Variants in ARHGEF3 observed in about 807,000 individuals in gnomAD.
The protein encoded by ARHGEF3 is 59.8 kDA protein.
ARHGEF3 carries 28 observed loss-of-function variants against 63.2 expected under a neutral mutation model. The observed-to-expected ratio is 0.44, with a 90% CI of 0.33 to 0.61. The LOEUF (loss-of-function observed/expected upper bound fraction) is 0.61. ARHGEF3 is among the 20% of genes least tolerant of loss of function. ARHGEF3 has a pLI of 0.03. For synonymous variants in ARHGEF3, 266 were observed against 254.2 expected, an observed-to-expected ratio of 1.05 and a Z score of -0.44; for missense variants, 533 against 659.3, an observed-to-expected ratio of 0.81 and a Z score of 2.10.
intron 3 of ARHGEF3, among the ~76,000 whole-genome samples, chr3:56,908,918 A>G (rs1033406337): frequency 3.3e-5 from 5 of 152,202 alleles, no homozygotes; most frequent in African/African-American, 4.8e-5. Context: ...TGTATGTTCT[A>G]TCTCATTCAG....
intron 4 of ARHGEF3, among the ~76,000 whole-genome samples, chr3:56,851,779 G>GA (rs930648001): frequency 6.7e-6 from 1 of 149,206 alleles, no homozygotes; most frequent in African/African-American, 2.5e-5. Context: ...GCAAAAAGAA[G>GA]AAAAAATTAA....
chr3:56,917,195 T>C (rs2042011975), intron 3 of ARHGEF3, among the ~76,000 whole-genome samples: 1 of 152,202 alleles, frequency 6.6e-6, no homozygotes, highest in African/African-American at 2.4e-5. Flanking sequence ...AAACTATGCC[T>C]GGCTCACTCC....
upstream of ARHGEF3, among the ~76,000 whole-genome samples, chr3:56,806,085 T>A (rs1288736794): frequency 6.6e-6 from 1 of 152,148 alleles, no homozygotes; most frequent in Admixed American, 6.5e-5. Context: ...AAGGTCAGGA[T>A]TAGCTATTTC....
At chr3:56,848,441 C>A (rs115862371) in intron 4 of ARHGEF3, among the ~76,000 whole-genome samples, 1 of 152,268 alleles carries the variant, frequency 6.6e-6, no homozygotes, top group Non-Finnish European at 1.5e-5. Flanking sequence ...GGCTATAATA[C>A]CCTCTCCCTT....
chr3:56,849,224 TAGA>T (rs1330837986), intron 4 of ARHGEF3, among the ~76,000 whole-genome samples: 1 of 152,206 alleles, frequency 6.6e-6, no homozygotes, highest in African/African-American at 2.4e-5. Flanking sequence ...CCTACAGAAT[TAGA>T]AGGTCTTTTA....
chr3:57,075,463 T>A (rs577626381), intron 1 of ARHGEF3: 2 of 164,794 alleles, frequency 1.2e-5, no homozygotes, highest in South Asian at 4.2e-4. Context: ...AAATACAACC[T>A]CAATTAGGAA....
At chr3:57,035,002 C>T (rs1560150297) in intron 2 of ARHGEF3, 3 of 1,167,422 alleles carry the variant, frequency 2.6e-6, no homozygotes, top group Non-Finnish European at 3.6e-6. Context: ...CTTATGTAGG[C>T]TTAAAGGAAG....
At chr3:56,843,512 C>T (rs1193378963) in intron 4 of ARHGEF3, among the ~76,000 whole-genome samples, 2 of 152,078 alleles carry the variant, frequency 1.3e-5, no homozygotes, top group East Asian at 3.9e-4. Flanking sequence ...AGTGATCTAC[C>T]TGCCTTGGCC....
chr3:56,892,941 T>C (rs2041172435), intron 3 of ARHGEF3, among the ~76,000 whole-genome samples: 1 of 152,206 alleles, frequency 6.6e-6, no homozygotes, highest in Non-Finnish European at 1.5e-5. Context: ...CTGGAACACC[T>C]ACTCCTTGGG....
At chr3:57,010,860 C>T (rs979374093) in intron 2 of ARHGEF3, among the ~76,000 whole-genome samples, 2 of 152,108 alleles carry the variant, frequency 1.3e-5, no homozygotes, top group African/African-American at 2.4e-5. Context: ...CCTTGTTCAT[C>T]GTCTGCTCAC....
chr3:56,798,138 C>T (rs1036271450), intron 1 of ARHGEF3, among the ~76,000 whole-genome samples: 2 of 152,158 alleles, frequency 1.3e-5, no homozygotes, highest in Admixed American at 6.5e-5. Context: ...TTTCTAGGTG[C>T]ATGTCATTAT....
At chr3:57,054,742 C>A (rs1374328359) in intron 1 of ARHGEF3, among the ~76,000 whole-genome samples, 1 of 150,772 alleles carries the variant, frequency 6.6e-6, no homozygotes, top group East Asian at 2.0e-4. Flanking sequence ...ACCTCTGACT[C>A]CCTGGTTCAA....
chr3:56,947,639 A>G (rs28795995), intron 3 of ARHGEF3, among the ~76,000 whole-genome samples: 1 of 152,314 alleles, frequency 6.6e-6, no homozygotes, highest in East Asian at 1.9e-4. Flanking sequence ...AAGTCCTTAG[A>G]GACCTAGAAA....
chr3:56,806,821 C>T (rs1174940250), upstream of ARHGEF3, among the ~76,000 whole-genome samples: 2 of 150,644 alleles, frequency 1.3e-5, no homozygotes, highest in Admixed American at 1.3e-4. Flanking sequence ...GCTGTGACAG[C>T]CTTCTCAGCC....
rs371050302 is a variant in ARHGEF3, at chr3:57,012,382, C to T, written c.62+22706G>A. Among the ~76,000 whole-genome samples, 27 of 152,222 alleles carry T rather than the reference C, an allele frequency of 1.8e-4. No individual in the cohort carries two copies. The South Asian group carries it at 2.5e-3, about 14-fold the overall frequency. ...TAAGTGATTCTCTTGCCTCAGCCTCCGGAGCAGCTGGGATTACTGGTGCCC... is the reference window on the plus strand; with the variant it reads ...TAAGTGATTCTCTTGCCTCAGCCTCTGGAGCAGCTGGGATTACTGGTGCCC... On this transcript the variant is annotated intron_variant, in intron 2 of 12. Coordinates refer to the ARHGEF3 transcript ENST00000338458.
At chr3:56,941,399 G>A (rs1699177440) in intron 3 of ARHGEF3, among the ~76,000 whole-genome samples, 1 of 152,162 alleles carries the variant, frequency 6.6e-6, no homozygotes, top group Admixed American at 6.5e-5. Context: ...GTAGAGACAG[G>A]GTTTTGCCAT....
upstream of ARHGEF3, among the ~76,000 whole-genome samples, chr3:56,802,273 G>C (rs561342199): frequency 2.0e-5 from 3 of 152,178 alleles, no homozygotes; most frequent in Non-Finnish European, 4.4e-5. Flanking sequence ...GGGCGAAACC[G>C]GGCAACGGGG....
At chr3:56,746,068 C>T (rs2034366743) in intron 6 of ARHGEF3, among the ~76,000 whole-genome samples, 1 of 152,238 alleles carries the variant, frequency 6.6e-6, no homozygotes, top group South Asian at 2.1e-4. Flanking sequence ...CCATCAGTCA[C>T]ACTGTGCAAA....
intron 4 of ARHGEF3, among the ~76,000 whole-genome samples, chr3:56,839,192 A>C (rs146809436): frequency 6.6e-6 from 1 of 152,256 alleles, no homozygotes; most frequent in African/African-American, 2.4e-5. Flanking sequence ...AGAGAACATA[A>C]TATCCATTTA....
Sources: allele counts gnomAD v4.1 joint callset (sites outside exome capture counted in the v4.1 genomes callset), GRCh38; gene constraint gnomAD v4.1.1; transcripts MANE v1.5; gene names NCBI Gene and HGNC (gene_info 2026-07-23, HGNC 2026-07-21).